SLC16A1: variants seen among roughly 807,000 people sequenced by gnomAD.
SLC16A1 encodes solute carrier family 16 member 1.
A neutral mutation model predicts 32.2 loss-of-function variants in SLC16A1; 11 were observed. The observed-to-expected ratio is 0.34, with a 90% confidence interval of 0.21 to 0.56. The LOEUF is 0.56. SLC16A1 is among the 20% of genes least tolerant of loss of function. The probability of loss-of-function intolerance (pLI) is 0.87; values close to 1 mark genes in which losing one functional copy is unlikely to be tolerated. For missense variants in SLC16A1, 435 were observed against 615.0 expected, an observed-to-expected ratio of 0.71 and a Z score of 3.10; for synonymous variants, 231 against 226.8, an observed-to-expected ratio of 1.02 and a Z score of -0.17.
chr1:112,928,148 A>G (rs966174867), intron 2 of SLC16A1, among the ~76,000 whole-genome samples: 2 of 152,232 alleles, frequency 1.3e-5, no homozygotes, highest in Non-Finnish European at 2.9e-5. Context: ...CAGTGGAAAC[A>G]TAAGTCTTCC....
At chr1:112,947,710 T>A (rs374911518) in intron 1 of SLC16A1, among the ~76,000 whole-genome samples, 7 of 152,244 alleles carry the variant, frequency 4.6e-5, no homozygotes, top group African/African-American at 1.7e-4. Context: ...TGCTTGTATA[T>A]AACAGTAACT....
chr1:112,922,332 A>C lies in SLC16A1; in HGVS notation c.218-199T>G, dbSNP rs1648765423. ...AACATAATTAATTGTGCAGGTTCTA[A>C]ATCTAAAAATACTGGATGGAATTTT... is the stretch of plus-strand genomic sequence containing the variant. On this transcript the variant is annotated intron_variant, in intron 2 of 4. Transcript: ENST00000369626. 3.2e-5 allele frequency: 19 copies of C among 602,784 alleles called. 1 individual carries two copies. In the South Asian group the frequency reaches 3.7e-4, roughly 12 times the overall value. 37.3% of individuals were successfully genotyped at this position (602,784 alleles called of 1,614,324 possible). A position where few individuals can be genotyped will look rare whatever the true frequency, so the allele number is the denominator to read the frequency against.
Position 112,925,326 on chromosome 1 carries a change from T to C in SLC16A1, c.218-3193A>G, listed in dbSNP as rs186100512. On this transcript the variant is annotated intron_variant, in intron 2 of 4. Coordinates refer to ENST00000369626, the MANE Select transcript of SLC16A1 (RefSeq NM_003051.4). Reference sequence around the variant, plus strand: ...CTGGGATTATAGGTGTAAGCCACCATGACTGACCTATGTATCAGTTTTTGA... The same window carrying C: ...CTGGGATTATAGGTGTAAGCCACCACGACTGACCTATGTATCAGTTTTTGA... Among the ~76,000 whole-genome samples, 4 of 151,902 alleles carry C rather than the reference T, an allele frequency of 2.6e-5. No individual in the cohort carries two copies. In the East Asian group the frequency reaches 7.7e-4, roughly 29 times the overall value.
At chr1:112,946,111 G>A (rs1314027461) in intron 1 of SLC16A1, among the ~76,000 whole-genome samples, 1 of 152,098 alleles carries the variant, frequency 6.6e-6, no homozygotes, top group African/African-American at 2.4e-5. Flanking sequence ...TTTAGACAAA[G>A]AATTTCTGCA....
chr1:112,931,406 GAGGC>G (rs1365825940), intron 1 of SLC16A1, among the ~76,000 whole-genome samples: 8 of 152,114 alleles, frequency 5.3e-5, no homozygotes, highest in Admixed American at 1.3e-4. Context: ...AGCACTCTGG[GAGGC>G]AGAGGTAGGT....
chr1:112,922,555 C>A (rs182281203), intron 2 of SLC16A1, among the ~76,000 whole-genome samples: 3 of 152,048 alleles, frequency 2.0e-5, no homozygotes, highest in Non-Finnish European at 4.4e-5. Context: ...AGGTGGATCA[C>A]CCGAGGTCAG....
chr1:112,948,511 T>A (rs1320495686), intron 1 of SLC16A1, among the ~76,000 whole-genome samples: 2 of 145,650 alleles, frequency 1.4e-5, no homozygotes, highest in Non-Finnish European at 3.0e-5. Context: ...AAATATACAA[T>A]TTTTTTTTTT....
chr1:112,919,263 T>C (rs1395111763), intron 3 of SLC16A1, among the ~76,000 whole-genome samples: 1 of 152,092 alleles, frequency 6.6e-6, no homozygotes, highest in Non-Finnish European at 1.5e-5. Context: ...CTCGATCTCC[T>C]GACCTCGTGA....
At chr1:112,936,050 TAAGGTGATGTA>T (rs887296807) in intron 1 of SLC16A1, 25 of 152,318 alleles carry the variant, frequency 1.6e-4, no homozygotes, top group African/African-American at 5.1e-4. Context: ...AACTTAAGAT[TAAGGTGATGTA>T]ACTTACAGGA....
intron 1 of SLC16A1, among the ~76,000 whole-genome samples, chr1:112,932,551 C>T (rs1362170589): frequency 1.3e-5 from 2 of 151,742 alleles, no homozygotes; most frequent in Admixed American, 1.3e-4. Flanking sequence ...ACCTGTAATC[C>T]CCAGCACTTT....
At chr1:112,914,428 A>T (rs1469305707) in intron 4 of SLC16A1, among the ~76,000 whole-genome samples, 1 of 152,222 alleles carries the variant, frequency 6.6e-6, no homozygotes, top group African/African-American at 2.4e-5. Context: ...AATGGAAGAG[A>T]CGTAGTGATC....
At chr1:112,933,554 C>T (rs1421110556) in intron 1 of SLC16A1, among the ~76,000 whole-genome samples, 1 of 148,772 alleles carries the variant, frequency 6.7e-6, no homozygotes, top group Non-Finnish European at 1.5e-5. Flanking sequence ...AGAACTTGCA[C>T]AACGATAGCA....
At chr1:112,942,863 A>G (rs2101646598) in intron 1 of SLC16A1, among the ~76,000 whole-genome samples, 1 of 152,364 alleles carries the variant, frequency 6.6e-6, no homozygotes, top group East Asian at 1.9e-4. Context: ...TTAAAGTAGT[A>G]TAGAGAACTG....
intron 1 of SLC16A1, among the ~76,000 whole-genome samples, chr1:112,941,036 TG>T (rs1442928917): frequency 6.6e-6 from 1 of 152,002 alleles, no homozygotes; most frequent in African/African-American, 2.4e-5. Flanking sequence ...GAATACAAGA[TG>T]GGGGAGAAGT....
chr1:112,924,539 A>T (rs1648865801), intron 2 of SLC16A1, among the ~76,000 whole-genome samples: 1 of 152,208 alleles, frequency 6.6e-6, no homozygotes, highest in East Asian at 1.9e-4. Flanking sequence ...ATTGCTATAA[A>T]AGAATACCTG....
At chr1:112,946,611 T>C (rs896267015) in intron 1 of SLC16A1, among the ~76,000 whole-genome samples, 6 of 152,250 alleles carry the variant, frequency 3.9e-5, no homozygotes, top group African/African-American at 1.4e-4. Context: ...TGTAGTGCAG[T>C]GGCACTATCT....
chr1:112,936,076 G>A (rs904366652), intron 1 of SLC16A1: 1 of 152,166 alleles, frequency 6.6e-6, no homozygotes, highest in Non-Finnish European at 1.5e-5. Flanking sequence ...ACAGGAAATA[G>A]CTGGCCAGTC....
chr1:112,918,090 AAATAAATAAAT>A (rs1400577091), intron 3 of SLC16A1, 46 bp from the exon 4 acceptor site: 30 of 1,122,332 alleles, frequency 2.7e-5, no homozygotes, highest in African/African-American at 4.9e-5. Context: ...ATAAATAAAT[AAATAAATAAAT>A]AATAAGAGGT....
intron 2 of SLC16A1, among the ~76,000 whole-genome samples, chr1:112,928,517 A>T (rs1199883128): frequency 6.6e-6 from 1 of 152,210 alleles, no homozygotes; most frequent in Non-Finnish European, 1.5e-5. Flanking sequence ...CTTACTTCCA[A>T]CATTTCCTTT....
Sources: allele counts gnomAD v4.1 joint callset (sites outside exome capture counted in the v4.1 genomes callset), GRCh38; gene constraint gnomAD v4.1.1; transcripts MANE v1.5; gene names NCBI Gene and HGNC (gene_info 2026-07-23, HGNC 2026-07-21).